CADM2: variants seen among roughly 807,000 people sequenced by gnomAD.
The protein encoded by CADM2 is immunoglobulin superfamily member 4D.
Under a neutral mutation model 49.8 loss-of-function variants are expected in CADM2, and 12 were observed. The observed-to-expected ratio is 0.24, with a 90% CI of 0.15 to 0.39. The LOEUF (loss-of-function observed/expected upper bound fraction) is 0.39, where lower values mean the gene tolerates loss of function less well. Ranked by LOEUF, CADM2 falls within the 10% of genes least tolerant of loss-of-function variation. CADM2 has a pLI of 1.00. For synonymous variants in CADM2, 214 were observed against 175.4 expected, an observed-to-expected ratio of 1.22 and a Z score of -1.74; for missense variants, 378 against 492.3, an observed-to-expected ratio of 0.77 and a Z score of 2.20.
intron 1 of CADM2, among the ~76,000 whole-genome samples, chr3:85,504,957 CCGGCTG>C (rs1456300473): frequency 6.6e-6 from 1 of 152,142 alleles, no homozygotes; most frequent in African/African-American, 2.4e-5. Context: ...GCAGGGCCGG[CCGGCTG>C]CTTCGCGTGC....
intron 3 of CADM2, among the ~76,000 whole-genome samples, chr3:85,854,157 C>T (rs1017933270): frequency 6.6e-6 from 1 of 152,144 alleles, no homozygotes; most frequent in African/African-American, 2.4e-5. Flanking sequence ...TTTATCCTGG[C>T]CATTCAGTAA....
intron 1 of CADM2, among the ~76,000 whole-genome samples, chr3:85,249,654 T>C (rs1016721955): frequency 1.3e-5 from 2 of 151,958 alleles, no homozygotes; most frequent in Non-Finnish European, 2.9e-5. Flanking sequence ...ACTAAAATAA[T>C]TTATTTCAGG....
At chr3:85,377,800 T>C (rs1398150706) in intron 1 of CADM2, among the ~76,000 whole-genome samples, 2 of 152,072 alleles carry the variant, frequency 1.3e-5, no homozygotes, top group Admixed American at 1.3e-4. Flanking sequence ...CACACTTGAA[T>C]GACACTAGTC....
At chr3:85,231,171 T>TATA (rs2042278177) in intron 1 of CADM2, among the ~76,000 whole-genome samples, 1 of 152,154 alleles carries the variant, frequency 6.6e-6, no homozygotes, top group Non-Finnish European at 1.5e-5. Flanking sequence ...ATTACCTCTT[T>TATA]AAAGGCTCTA....
chr3:85,286,900 G>T (rs528438520), intron 1 of CADM2, among the ~76,000 whole-genome samples: 352 of 152,086 alleles, frequency 2.3e-3, no homozygotes, highest in African/African-American at 8.0e-3. Context: ...ATATACTTTA[G>T]TTATCATTCA....
At chr3:85,358,393 A>AT (rs2032049425) in intron 1 of CADM2, among the ~76,000 whole-genome samples, 5 of 151,946 alleles carry the variant, frequency 3.3e-5, no homozygotes, top group South Asian at 4.1e-4. Context: ...TTTCCAAAAA[A>AT]AATATATATA....
intron 8 of CADM2, chr3:86,014,975 A>G: frequency 2.3e-6 from 3 of 1,288,674 alleles, no homozygotes; most frequent in Middle Eastern, 2.6e-4. Flanking sequence ...ACACTTTGAC[A>G]GACCAAAGTT....
chr3:85,647,297 C>T (rs1003163290), intron 1 of CADM2, among the ~76,000 whole-genome samples: 3 of 151,646 alleles, frequency 2.0e-5, no homozygotes, highest in East Asian at 3.9e-4. Context: ...ATTTTGTAAT[C>T]CTCAAATATA....
intron 1 of CADM2, among the ~76,000 whole-genome samples, chr3:85,634,370 A>T (rs150944478): frequency 1.3e-5 from 2 of 152,192 alleles, no homozygotes; most frequent in African/African-American, 4.8e-5. Flanking sequence ...AACTGAAGAC[A>T]TTGCCTAGGG....
intron 1 of CADM2, among the ~76,000 whole-genome samples, chr3:85,456,627 TA>T (rs1411645288): frequency 6.6e-6 from 1 of 152,146 alleles, no homozygotes; most frequent in African/African-American, 2.4e-5. Context: ...GATAAGATTT[TA>T]TTTATTAATT....
chr3:85,640,500 A>G (rs2064676196), intron 1 of CADM2, among the ~76,000 whole-genome samples: 1 of 152,170 alleles, frequency 6.6e-6, no homozygotes, highest in South Asian at 2.1e-4. Context: ...CCAGGGTTGG[A>G]GAGGTGGAGT....
At chr3:85,423,987 G>T (rs1359953034) in intron 1 of CADM2, among the ~76,000 whole-genome samples, 1 of 151,946 alleles carries the variant, frequency 6.6e-6, no homozygotes, top group Non-Finnish European at 1.5e-5. Flanking sequence ...CTGTCCTTTG[G>T]CATCCGATTC....
chr3:85,472,760 A>T lies in CADM2; in HGVS notation c.62-253762A>T, dbSNP rs2038821907. Among the ~76,000 whole-genome samples the T allele has an allele frequency of 2.0e-5, 3 of 151,984 alleles. No homozygotes were observed. The South Asian group carries it at 6.2e-4, about 31-fold the overall frequency. On this transcript the variant is annotated intron_variant, in intron 1 of 9. Coordinates refer to ENST00000383699, the MANE Select transcript of CADM2 (RefSeq NM_001167675.2). ...TACTCACTAAAACTACACATGGTAGATCCTATTATTGTCACTCATTCTCTC... is the reference window on the plus strand; with the variant it reads ...TACTCACTAAAACTACACATGGTAGTTCCTATTATTGTCACTCATTCTCTC...
intron 1 of CADM2, among the ~76,000 whole-genome samples, chr3:85,427,404 T>G (rs1267106265): frequency 6.6e-6 from 1 of 151,906 alleles, no homozygotes; most frequent in Non-Finnish European, 1.5e-5. Context: ...TTTACTAGAT[T>G]CTAGATTTTT....
intron 6 of CADM2, among the ~76,000 whole-genome samples, chr3:85,920,928 C>A (rs190164121): frequency 2.0e-5 from 3 of 151,470 alleles, no homozygotes; most frequent in African/African-American, 7.3e-5. Flanking sequence ...TCATCAAGTA[C>A]GCATTTATAA....
At chr3:86,049,277 T>A in intron 8 of CADM2, among the ~76,000 whole-genome samples, 1 of 148,508 alleles carries the variant, frequency 6.7e-6, no homozygotes, top group Middle Eastern at 3.4e-3. Flanking sequence ...TATTTTTATT[T>A]TTTATTTTTT....
intron 1 of CADM2, among the ~76,000 whole-genome samples, chr3:85,066,520 C>T (rs2036534420): frequency 6.6e-6 from 1 of 152,034 alleles, no homozygotes; most frequent in East Asian, 1.9e-4. Context: ...TGCACTATAA[C>T]CACCCAACAT....
At chr3:85,696,359 G>C (rs1296114196) in intron 1 of CADM2, among the ~76,000 whole-genome samples, 3 of 151,948 alleles carry the variant, frequency 2.0e-5, no homozygotes, top group Non-Finnish European at 2.9e-5. Flanking sequence ...GTCCAGACAA[G>C]TTTCTCCTAA....
intron 1 of CADM2, among the ~76,000 whole-genome samples, chr3:85,396,314 C>T (rs192842204): frequency 3.4e-4 from 52 of 151,776 alleles, no homozygotes; most frequent in African/African-American, 1.2e-3. Flanking sequence ...TTCACTTTAT[C>T]ATCTTAGCAT....
Sources: gnomAD v4.1 joint callset for allele counts (sites outside exome capture counted in the v4.1 genomes callset) on GRCh38, gnomAD v4.1.1 for gene constraint, MANE v1.5 for transcripts, NCBI Gene and HGNC (gene_info 2026-07-23, HGNC 2026-07-21) for gene names.